PRKDC: variants seen among roughly 807,000 people sequenced by gnomAD.
PRKDC encodes DNA-dependent protein kinase catalytic subunit.
Under a neutral mutation model 486.9 loss-of-function variants are expected in PRKDC, and 82 were observed. The ratio of observed to expected loss-of-function variants is 0.17; its 90% CI spans 0.14 to 0.20. The LOEUF is 0.20. Ranked by LOEUF, PRKDC falls within the 10% of genes least tolerant of loss-of-function variation. The pLI is 1.00. For synonymous variants in PRKDC, 1,895 were observed against 1,837.0 expected (o/e 1.03, Z -0.81); for missense variants, 4,504 against 5,038.2 (o/e 0.89, Z 3.21).
intron 21 of PRKDC, among the ~76,000 whole-genome samples, chr8:47,920,187 G>A (rs2090050281): frequency 6.6e-6 from 1 of 152,124 alleles, no homozygotes; most frequent in Admixed American, 6.5e-5. Flanking sequence ...TCTCAGCTCT[G>A]AAGGCTGTCA....
chr8:47,867,841 TTACA>T (rs1477533950), intron 40 of PRKDC, among the ~76,000 whole-genome samples: 2 of 152,244 alleles, frequency 1.3e-5, no homozygotes, highest in African/African-American at 4.8e-5. Flanking sequence ...TCCTTCACTA[TTACA>T]TATTTTGTTG....
intron 10 of PRKDC, among the ~76,000 whole-genome samples, chr8:47,942,783 C>G (rs1450205602): frequency 6.6e-6 from 1 of 152,240 alleles, no homozygotes; most frequent in Non-Finnish European, 1.5e-5. Context: ...TCTGTAACCA[C>G]CTCCTATCCA....
intron 49 of PRKDC, among the ~76,000 whole-genome samples, chr8:47,855,967 T>C (rs941292627): frequency 6.6e-6 from 1 of 152,188 alleles, no homozygotes; most frequent in African/African-American, 2.4e-5. Flanking sequence ...GGCTTGCTGT[T>C]GCTTTATTCA....
intron 31 of PRKDC, 71 bp downstream of exon 31, chr8:47,893,068 C>T (rs2089496812): frequency 6.9e-7 from 1 of 1,453,962 alleles, no homozygotes; most frequent in South Asian, 1.6e-5. Context: ...GGGATTCTGA[C>T]CTGGCAGAGC....
chr8:47,848,290 G>T (rs1473561848), intron 54 of PRKDC, among the ~76,000 whole-genome samples: 1 of 152,196 alleles, frequency 6.6e-6, no homozygotes, highest in African/African-American at 2.4e-5. Context: ...ATATACCATG[G>T]AATATTAGGC....
chr8:47,795,884 T>C (rs1199419034), intron 73 of PRKDC, among the ~76,000 whole-genome samples: 12 of 151,226 alleles, frequency 7.9e-5, no homozygotes, highest in Admixed American at 5.3e-4. Context: ...GTAATAAACA[T>C]TGGTATGGAA....
intron 1 of PRKDC, among the ~76,000 whole-genome samples, chr8:47,957,825 G>A (rs1020241825): frequency 3.3e-5 from 5 of 152,046 alleles, no homozygotes; most frequent in Admixed American, 2.0e-4. Context: ...AGGTTGCAAC[G>A]GTTTTCAAGG....
At chr8:47,776,083 C>A (rs971804392) in intron 85 of PRKDC, among the ~76,000 whole-genome samples, 5 of 152,142 alleles carry the variant, frequency 3.3e-5, no homozygotes, top group African/African-American at 9.7e-5. Context: ...CTTGGCCTCC[C>A]AAAGTGTTGA....
intron 49 of PRKDC, among the ~76,000 whole-genome samples, chr8:47,856,690 A>G (rs539169314): frequency 1.3e-5 from 2 of 152,316 alleles, no homozygotes; most frequent in African/African-American, 4.8e-5. Flanking sequence ...TCAACATAAC[A>G]TGGTGTTATC....
chr8:47,943,124 T>G, intron 10 of PRKDC, 85 bp downstream of exon 10: 1 of 1,440,622 alleles, frequency 6.9e-7, no homozygotes, highest in African/African-American at 1.4e-5. Flanking sequence ...AACTTGTATT[T>G]ATTTTCAAAC....
intron 7 of PRKDC, among the ~76,000 whole-genome samples, chr8:47,952,230 G>A (rs542137002): frequency 7.2e-5 from 11 of 152,172 alleles, no homozygotes; most frequent in African/African-American, 9.6e-5. Flanking sequence ...GCCCATATAC[G>A]GATGAATGAA....
chr8:47,826,711 C>T lies in PRKDC; in HGVS notation c.8728G>A (p.Val2910Ile). The change falls in exon 63 of 86, where the codon GTC becomes ATC. Residue 2910 changes from valine (V) to isoleucine (I), a missense_variant. By Grantham distance (29) the Val-to-Ile change is conservative. This residue lies in a region of PRKDC where 1,592 missense variants were observed against 1,724.6 expected (regional missense o/e 0.92). Transcript: ENST00000314191. Reference sequence around the variant, plus strand: ...GGAGGGAGGCGGGCCTTCCCACGGACTCGCTTGGCAGGCAGCTCAGCAGGC... The same window carrying T: ...GGAGGGAGGCGGGCCTTCCCACGGATTCGCTTGGCAGGCAGCTCAGCAGGC... ...LLPAELPAKR[V>I]RGKARLPPDV... is the part of the protein sequence containing the mutation. 6.2e-7 allele frequency: 1 copy of T among 1,613,394 alleles called. No homozygotes were observed. The highest frequency in any genetic ancestry group is 1.8e-4 in the Middle Eastern group (1 of 5,646).
intron 30 of PRKDC, among the ~76,000 whole-genome samples, chr8:47,894,554 CCTA>C (rs2089537087): frequency 6.6e-6 from 1 of 152,116 alleles, no homozygotes; most frequent in Non-Finnish European, 1.5e-5. Flanking sequence ...CCTGCCCAGC[CCTA>C]CTTCTTCCTT....
rs8178243 is a variant in PRKDC at position 47,782,323 on chromosome 8, G to A, written c.11396+55C>T. On this transcript the variant is annotated intron_variant, in intron 79 of 85. Transcript: ENST00000314191. The surrounding 1 kb of genome is among the most constrained non-coding windows in gnomAD (Gnocchi z 4.9). ...CTTTCTTCACTAGAAAAACAGTCCC[G>A]TGGACGCCAAGCAATATGCAGCAGC... 12,903 of 1,610,698 alleles carry A rather than the reference G, an allele frequency of 8.0e-3. 63 individuals are homozygous for A. Among genetic ancestry groups the A allele is most frequent in the Non-Finnish European group, 9.6e-3 (11,269 of 1,177,660 alleles).
intron 9 of PRKDC, 35 bp downstream of exon 9, chr8:47,943,818 T>G: frequency 6.7e-7 from 1 of 1,496,904 alleles, no homozygotes; most frequent in South Asian, 1.3e-5. Context: ...TTTAGTAATC[T>G]AAAATATTAT....
chr8:47,798,610 GCA>G lies in PRKDC; in HGVS notation c.10298-215_10298-214del, dbSNP rs8178227. Among the ~76,000 whole-genome samples the G allele has an allele frequency of 0.011, 1,645 of 152,294 alleles. 19 individuals carry two copies. Among genetic ancestry groups the G allele is most frequent in the Non-Finnish European group, 0.014 (943 of 68,020 alleles). ...CATTAGAGTGCCCATTCTGCATGAA[GCA>G]CAGTTTGAATCCTGGGCTGGGAACA... On this transcript the variant is annotated intron_variant, in intron 72 of 85. Coordinates refer to ENST00000314191, the MANE Select transcript of PRKDC (RefSeq NM_006904.7).
At chr8:47,929,267 G>T in intron 18 of PRKDC, 89 bp from the exon 19 acceptor site, 1 of 892,114 alleles carries the variant, frequency 1.1e-6, no homozygotes, top group Non-Finnish European at 1.8e-6. Context: ...CTTCAGAGGG[G>T]TGAATCCATT....
intron 68 of PRKDC, 149 bp downstream of exon 68, chr8:47,817,301 C>T (rs2087468280): frequency 1.7e-6 from 1 of 598,268 alleles, no homozygotes; most frequent in East Asian, 2.8e-5. Flanking sequence ...AGAGCTCTAT[C>T]GGAACTACTT....
chr8:47,835,667 T>C (rs1223490714), intron 58 of PRKDC, among the ~76,000 whole-genome samples: 1 of 120,970 alleles, frequency 8.3e-6, no homozygotes, highest in East Asian at 2.3e-4. Context: ...ATACATAAAA[T>C]TTACCATTTC....
Sources: allele counts gnomAD v4.1 joint callset (sites outside exome capture counted in the v4.1 genomes callset), GRCh38; gene constraint gnomAD v4.1.1; regional missense constraint gnomAD v4.1.1; non-coding constraint Gnocchi (gnomAD v3.1); transcripts MANE v1.5; gene names NCBI Gene and HGNC (gene_info 2026-07-23, HGNC 2026-07-21).